Variants in ADAMTSL1 observed in about 807,000 individuals in gnomAD.
ADAMTSL1 encodes the protein ADAMTS-like protein 1.
A neutral mutation model predicts 201.8 loss-of-function variants in ADAMTSL1; 126 were observed. That is an observed-to-expected ratio of 0.62 (90% confidence interval 0.54 to 0.72). The LOEUF is 0.72. Among genes scored for constraint, ADAMTSL1 ranks in the 30% least tolerant of loss-of-function variants. The pLI is 0.00. For synonymous variants in ADAMTSL1, 1,121 were observed against 903.4 expected (o/e 1.24, Z -4.32); for missense variants, 2,679 against 2,277.8 (o/e 1.18, Z -3.59).
At chr9:18,839,036 A>G (rs866472492) in intron 23 of ADAMTSL1, among the ~76,000 whole-genome samples, 4 of 145,654 alleles carry the variant, frequency 2.7e-5, no homozygotes, top group African/African-American at 1.0e-4. Context: ...TTTTTTTTTA[A>G]TTTTATTATT....
intron 2 of ADAMTSL1, among the ~76,000 whole-genome samples, chr9:18,216,400 C>T (rs1055614242): frequency 6.6e-6 from 1 of 152,182 alleles, no homozygotes; most frequent in Non-Finnish European, 1.5e-5. Flanking sequence ...GATCAGGCAG[C>T]TTTCACCACA....
chr9:18,585,540 T>A (rs1264429985), intron 4 of ADAMTSL1, among the ~76,000 whole-genome samples: 1 of 152,146 alleles, frequency 6.6e-6, no homozygotes, highest in Non-Finnish European at 1.5e-5. Flanking sequence ...GTCATACAAC[T>A]GGAAAAAGGC....
intron 1 of ADAMTSL1, among the ~76,000 whole-genome samples, chr9:18,475,195 G>A (rs1446018265): frequency 6.6e-6 from 1 of 152,200 alleles, no homozygotes; most frequent in Non-Finnish European, 1.5e-5. Context: ...AAATGTGATT[G>A]TAGTTTTTCC....
chr9:18,648,756 C>T (rs1036889039), intron 7 of ADAMTSL1, among the ~76,000 whole-genome samples: 57 of 148,294 alleles, frequency 3.8e-4, no homozygotes, highest in African/African-American at 9.3e-4. Context: ...CCGAGAGATC[C>T]GCTGTTAGTC....
chr9:18,698,119 A>G (rs897292721), intron 13 of ADAMTSL1, among the ~76,000 whole-genome samples: 2 of 152,206 alleles, frequency 1.3e-5, no homozygotes, highest in Admixed American at 1.3e-4. Flanking sequence ...AGTTTTTGAT[A>G]AATACATTAA....
chr9:18,905,940 C>G, intron 27 of ADAMTSL1, 49 bp downstream of exon 27: 2 of 1,459,338 alleles, frequency 1.4e-6, no homozygotes, highest in South Asian at 2.4e-5. Context: ...GTCAACAGCA[C>G]GGAAAGATGG....
intron 1 of ADAMTSL1, among the ~76,000 whole-genome samples, chr9:17,959,390 C>A (rs1037476849): frequency 6.6e-6 from 1 of 152,176 alleles, no homozygotes; most frequent in African/African-American, 2.4e-5. Flanking sequence ...CCTCTACCCA[C>A]AGCTTTACTG....
At chr9:18,783,392 A>G (rs1563798047) in intron 19 of ADAMTSL1, among the ~76,000 whole-genome samples, 1 of 152,194 alleles carries the variant, frequency 6.6e-6, no homozygotes. Context: ...CTCCCCTACC[A>G]TTAGAAACTC....
Position 18,777,355 on chromosome 9 carries a change from G to C in ADAMTSL1, c.3126G>C (p.Trp1042Cys), listed in dbSNP as rs764149832. ...GGCCCGGAGAGCTGCTGGCCTCGTG[G>C]GAGGCGCAGGACTCTGCGGAAAGGA... ...GGWPGELLAS[W>C]EAQDSAERNT... Residue 1042 changes from tryptophan (W) to cysteine (C), a missense_variant, in exon 19 of 29, where the codon TGG (tryptophan) becomes TGC (cysteine). Trp to Cys is a radical substitution (Grantham distance 215). Coordinates refer to ENST00000380548, the MANE Select transcript of ADAMTSL1 (RefSeq NM_001040272.6). 90 of 1,601,220 alleles carry C rather than the reference G, an allele frequency of 5.6e-5. No individual in the cohort carries two copies. The highest frequency in any genetic ancestry group is 7.2e-5 in the Non-Finnish European group (84 of 1,174,120).
At position 18,820,378 on chromosome 9, in the gene ADAMTSL1, A is replaced by T. The variant is rs554766736; in HGVS notation, c.3934+3141A>T. Among the ~76,000 whole-genome samples, 9 of 152,322 alleles carry T rather than the reference A, an allele frequency of 5.9e-5. No homozygotes were observed. The South Asian group carries it at 1.7e-3, about 28-fold the overall frequency. ...TACGGTTGTTGTTTTCTTATTATAAAATATTAGAGTATTAAAGAAATTTTA... is the reference window on the plus strand; with the variant it reads ...TACGGTTGTTGTTTTCTTATTATAATATATTAGAGTATTAAAGAAATTTTA... On this transcript the variant is annotated intron_variant, in intron 21 of 28. Coordinates refer to ENST00000380548, the MANE Select transcript of ADAMTSL1 (RefSeq NM_001040272.6).
At chr9:18,121,126 A>T (rs1825477588) in intron 1 of ADAMTSL1, among the ~76,000 whole-genome samples, 1 of 152,212 alleles carries the variant, frequency 6.6e-6, no homozygotes, top group African/African-American at 2.4e-5. Flanking sequence ...CAAAGGATAC[A>T]GTTGGCTCTA....
intron 1 of ADAMTSL1, among the ~76,000 whole-genome samples, chr9:18,496,406 G>T (rs529263342): frequency 8.5e-5 from 13 of 152,168 alleles, no homozygotes; most frequent in Non-Finnish European, 1.5e-4. Context: ...AAGAGAGAAC[G>T]CATCCAATCA....
rs566529548 is a variant in ADAMTSL1, at chr9:18,654,073, C to T, written c.835-3566C>T. On this transcript the variant is annotated intron_variant, in intron 7 of 28. Coordinates refer to ENST00000380548, the MANE Select transcript of ADAMTSL1 (RefSeq NM_001040272.6). Reference sequence around the variant, plus strand: ...CAAAACCTCGTCTCTACTAAAAATACAAAAAATTAGCTGGGCATGGTGGTG... The same window carrying T: ...CAAAACCTCGTCTCTACTAAAAATATAAAAAATTAGCTGGGCATGGTGGTG... Among the ~76,000 whole-genome samples, 7 of 152,290 alleles carry T rather than the reference C, an allele frequency of 4.6e-5. No homozygotes were observed. In the South Asian group the frequency reaches 1.0e-3, roughly 23 times the overall value.
chr9:18,267,405 G>A (rs2245188), intron 2 of ADAMTSL1, among the ~76,000 whole-genome samples: 113,251 of 151,996 alleles, frequency 0.75, 42,701 homozygotes, highest in African/African-American at 0.84. Flanking sequence ...CATGTGGCCA[G>A]ATTGAATTCA....
intron 2 of ADAMTSL1, among the ~76,000 whole-genome samples, chr9:18,310,819 A>G (rs1475263604): frequency 6.6e-6 from 1 of 152,204 alleles, no homozygotes; most frequent in African/African-American, 2.4e-5. Flanking sequence ...ATCTAGAACC[A>G]GAAATACCAT....
intron 2 of ADAMTSL1, among the ~76,000 whole-genome samples, chr9:18,529,573 C>G (rs754856682): frequency 6.6e-6 from 1 of 152,068 alleles, no homozygotes; most frequent in Admixed American, 6.6e-5. Flanking sequence ...AGATAGTATA[C>G]GCAGAATACC....
chr9:18,504,918 T>A lies in ADAMTSL1; in HGVS notation c.153T>A (p.Gly51=), dbSNP rs2277160. Residue 51 remains glycine (G), a synonymous_variant, in exon 2 of 29, where the codon GGT becomes GGA. Coordinates refer to ENST00000380548, the MANE Select transcript of ADAMTSL1 (RefSeq NM_001040272.6). ...PWSECSRTCG[G]GASYSLRRCL... ...GTGAATGCTCACGCACCTGCGGGGG[T>A]GGGGCCTCCTACTCTCTGAGGCGCT... 906,312 of 1,611,010 alleles carry A rather than the reference T, an allele frequency of 0.56. 256,410 individuals are homozygous for A. The highest frequency in any genetic ancestry group is 0.66 in the African/African-American group (49,414 of 74,756).
intron 26 of ADAMTSL1, among the ~76,000 whole-genome samples, chr9:18,897,147 C>A (rs1359843): frequency 0.65 from 98,634 of 152,070 alleles, 32,484 homozygotes; most frequent in African/African-American, 0.77. Flanking sequence ...TTAAGTGGGA[C>A]CCTGATCCAT....
intron 1 of ADAMTSL1, among the ~76,000 whole-genome samples, chr9:18,162,946 A>C (rs1436475901): frequency 6.6e-6 from 1 of 151,996 alleles, no homozygotes; most frequent in Non-Finnish European, 1.5e-5. Context: ...CACACTAAGC[A>C]TTTTACATGT....
Sources: gnomAD v4.1 joint callset for allele counts (sites outside exome capture counted in the v4.1 genomes callset) on GRCh38, gnomAD v4.1.1 for gene constraint, MANE v1.5 for transcripts, NCBI Gene and HGNC (gene_info 2026-07-23, HGNC 2026-07-21) for gene names.